DGKI: variants seen among roughly 807,000 people sequenced by gnomAD.
The protein encoded by DGKI is DAG kinase iota.
Under a neutral mutation model 147.5 loss-of-function variants are expected in DGKI, and 55 were observed. That is an observed-to-expected ratio of 0.37 (90% CI 0.30 to 0.47). The LOEUF is 0.47. DGKI is among the 20% of genes least tolerant of loss of function. The pLI, the probability that DGKI is intolerant of heterozygous loss-of-function variation, is 1.00. For synonymous variants in DGKI, 469 were observed against 477.1 expected (o/e 0.98, Z 0.22); for missense variants, 1,007 against 1,323.8 (o/e 0.76, Z 3.71).
At chr7:137,515,357 G>C (rs1816713519) in intron 21 of DGKI, among the ~76,000 whole-genome samples, 1 of 151,598 alleles carries the variant, frequency 6.6e-6, no homozygotes, top group South Asian at 2.1e-4. Context: ...TCTGTATCTT[G>C]AAATAGTACT....
chr7:137,818,444 T>C (rs1797800723), intron 1 of DGKI, among the ~76,000 whole-genome samples: 1 of 152,204 alleles, frequency 6.6e-6, no homozygotes, highest in Admixed American at 6.5e-5. Flanking sequence ...GTTTGTTTCT[T>C]GAGACGGAGT....
rs370046410 is a variant in DGKI, at chr7:137,654,745, C to T, written c.725G>A (p.Arg242Lys). The change falls in exon 5 of 33, where the codon AGG becomes AAG. Residue 242 changes from arginine (R) to lysine (K), a missense_variant. By Grantham distance (26) the Arg-to-Lys change is conservative. Coordinates refer to ENST00000614521, the MANE Select transcript of DGKI (RefSeq NM_001321708.2). ...TGAAATACTCACTTCTCTTGGTGAC[C>T]TTGAGCCTCCTTCTCGAAATGTTGG... is the stretch of plus-strand genomic sequence containing the variant. ...CKPTFREGGS[R>K]SPRENFVRHH... The T allele has an allele frequency of 1.2e-6, 2 of 1,607,800 alleles. No homozygotes were observed. The highest frequency in any genetic ancestry group is 1.3e-5 in the African/African-American group (1 of 74,606).
At chr7:137,697,710 T>C (rs1439693209) in intron 1 of DGKI, among the ~76,000 whole-genome samples, 1 of 152,072 alleles carries the variant, frequency 6.6e-6, no homozygotes, top group Non-Finnish European at 1.5e-5. Flanking sequence ...ACAACAAAAT[T>C]ATAGTACCCA....
chr7:137,774,160 T>C (rs1796293255), intron 1 of DGKI, among the ~76,000 whole-genome samples: 2 of 152,168 alleles, frequency 1.3e-5, no homozygotes, highest in African/African-American at 4.8e-5. Flanking sequence ...TAATTTTATA[T>C]AATTTTAAAA....
At chr7:137,683,550 C>T in intron 2 of DGKI, among the ~76,000 whole-genome samples, 1 of 152,092 alleles carries the variant, frequency 6.6e-6, no homozygotes, top group South Asian at 2.1e-4. Context: ...CCCTGTCACT[C>T]TTCTTGAAAC....
intron 26 of DGKI, among the ~76,000 whole-genome samples, chr7:137,464,688 T>C (rs1277335199): frequency 6.6e-6 from 1 of 151,884 alleles, no homozygotes; most frequent in Non-Finnish European, 1.5e-5. Context: ...CCTGGCAGAG[T>C]GGGAAACCAC....
At chr7:137,734,109 C>T (rs1265542331) in intron 1 of DGKI, among the ~76,000 whole-genome samples, 1 of 152,112 alleles carries the variant, frequency 6.6e-6, no homozygotes, top group Non-Finnish European at 1.5e-5. Context: ...TGTCTCCTGG[C>T]ATTTATGCCA....
chr7:137,663,383 A>G (rs1585343764), intron 3 of DGKI, among the ~76,000 whole-genome samples: 3 of 152,258 alleles, frequency 2.0e-5, no homozygotes, highest in Non-Finnish European at 4.4e-5. Flanking sequence ...AAAAGGGTCT[A>G]GCAGAGAAAG....
intron 21 of DGKI, among the ~76,000 whole-genome samples, chr7:137,490,740 G>C (rs1432022258): frequency 6.6e-6 from 1 of 152,172 alleles, no homozygotes; most frequent in African/African-American, 2.4e-5. Flanking sequence ...GGAGTAGTGA[G>C]AGCACTTATC....
chr7:137,678,029 G>T (rs540544493), intron 3 of DGKI, among the ~76,000 whole-genome samples: 2 of 152,272 alleles, frequency 1.3e-5, no homozygotes, highest in African/African-American at 4.8e-5. Flanking sequence ...AACTCCAATT[G>T]ACCTGACTGT....
intron 7 of DGKI, among the ~76,000 whole-genome samples, chr7:137,623,014 A>G (rs2128998444): frequency 6.6e-6 from 1 of 152,356 alleles, no homozygotes; most frequent in Non-Finnish European, 1.5e-5. Flanking sequence ...TAGCCCCAAA[A>G]TAAAAAGTCA....
chr7:137,778,541 A>G (rs940791403), intron 1 of DGKI, among the ~76,000 whole-genome samples: 4 of 152,114 alleles, frequency 2.6e-5, no homozygotes, highest in African/African-American at 7.2e-5. Flanking sequence ...TGTTAATAGC[A>G]AAGTAGCTAG....
chr7:137,797,751 GA>G (rs1351076854), intron 1 of DGKI, among the ~76,000 whole-genome samples: 3 of 151,706 alleles, frequency 2.0e-5, no homozygotes, highest in East Asian at 1.9e-4. Context: ...AAAGAATGGA[GA>G]AAAAATATAA....
chr7:137,557,438 G>A (rs771829234), intron 19 of DGKI, among the ~76,000 whole-genome samples: 19 of 152,182 alleles, frequency 1.2e-4, no homozygotes, highest in Non-Finnish European at 1.9e-4. Flanking sequence ...CATGAACTAC[G>A]GTGATGTGGC....
chr7:137,522,903 G>A (rs1220048298), intron 20 of DGKI, among the ~76,000 whole-genome samples: 1 of 151,552 alleles, frequency 6.6e-6, no homozygotes, highest in Non-Finnish European at 1.5e-5. Context: ...TTGGTTGAGA[G>A]AATTTTCTCA....
intron 28 of DGKI, among the ~76,000 whole-genome samples, chr7:137,416,957 C>T (rs1812384547): frequency 6.6e-6 from 1 of 152,130 alleles, no homozygotes; most frequent in Admixed American, 6.6e-5. Flanking sequence ...TTATTAGAAA[C>T]AAGGCTCACT....
At chr7:137,720,676 T>C (rs1363615553) in intron 1 of DGKI, among the ~76,000 whole-genome samples, 1 of 152,204 alleles carries the variant, frequency 6.6e-6, no homozygotes, top group Non-Finnish European at 1.5e-5. Flanking sequence ...CTGGGATTTA[T>C]TATTATGGCT....
chr7:137,667,983 G>A (rs1016035992), intron 3 of DGKI, among the ~76,000 whole-genome samples: 3 of 152,142 alleles, frequency 2.0e-5, no homozygotes, highest in East Asian at 1.9e-4. Flanking sequence ...AAGTAGGTAC[G>A]ACTTACCCAG....
intron 1 of DGKI, among the ~76,000 whole-genome samples, chr7:137,771,182 C>G (rs1418578508): frequency 6.6e-6 from 1 of 152,158 alleles, no homozygotes; most frequent in African/African-American, 2.4e-5. Context: ...CCTCCACCTC[C>G]CGGGTTCAAG....
Sources: gnomAD v4.1 joint callset for allele counts (sites outside exome capture counted in the v4.1 genomes callset) on GRCh38, gnomAD v4.1.1 for gene constraint, MANE v1.5 for transcripts, NCBI Gene and HGNC (gene_info 2026-07-23, HGNC 2026-07-21) for gene names.